Variants in SPATS2L observed in about 807,000 individuals in gnomAD.
SPATS2L encodes the protein SPATS2-like protein.
A neutral mutation model predicts 59.6 loss-of-function variants in SPATS2L; 30 were observed. That is an observed-to-expected ratio of 0.50 (90% CI 0.38 to 0.68). The LOEUF is 0.68. Ranked by LOEUF, SPATS2L falls within the 30% of genes least tolerant of loss-of-function variation. The probability of loss-of-function intolerance (pLI) is 0.00; values close to 1 mark genes in which losing one functional copy is unlikely to be tolerated. For missense variants in SPATS2L, 615 were observed against 700.0 expected (o/e 0.88, Z 1.37); for synonymous variants, 252 against 263.5 (o/e 0.96, Z 0.42).
intron 2 of SPATS2L, among the ~76,000 whole-genome samples, chr2:200,332,371 T>C (rs1354598008): frequency 6.6e-6 from 1 of 152,034 alleles, no homozygotes; most frequent in Non-Finnish European, 1.5e-5. Flanking sequence ...AAGCCTCTGG[T>C]GTAGCTGGGA....
intron 8 of SPATS2L, among the ~76,000 whole-genome samples, chr2:200,454,558 TTATCTC>T (rs1442601534): frequency 6.6e-6 from 1 of 151,952 alleles, no homozygotes; most frequent in Non-Finnish European, 1.5e-5. Context: ...AAATGACACT[TTATCTC>T]TGTGATTAAC....
chr2:200,453,464 A>G (rs16833414), intron 8 of SPATS2L, among the ~76,000 whole-genome samples: 5,611 of 152,308 alleles, frequency 0.037, 321 homozygotes, highest in African/African-American at 0.13. Flanking sequence ...CCTGGGCCCA[A>G]TAATTGCTGG....
At chr2:200,476,454 G>C (rs2087523792) in intron 12 of SPATS2L, among the ~76,000 whole-genome samples, 1 of 152,252 alleles carries the variant, frequency 6.6e-6, no homozygotes, top group African/African-American at 2.4e-5. Context: ...TACGTAATTA[G>C]AATTCCTATG....
chr2:200,455,614 C>A (rs2106170665), intron 8 of SPATS2L, among the ~76,000 whole-genome samples: 1 of 152,310 alleles, frequency 6.6e-6, no homozygotes, highest in Admixed American at 6.5e-5. Context: ...TGTGACCTTG[C>A]AGCTTCCACA....
intron 2 of SPATS2L, among the ~76,000 whole-genome samples, chr2:200,362,501 AAAG>A (rs1184327565): frequency 6.6e-6 from 1 of 152,236 alleles, no homozygotes; most frequent in African/African-American, 2.4e-5. Context: ...GAAGGGGACA[AAAG>A]AAAGTGGGAA....
intron 7 of SPATS2L, among the ~76,000 whole-genome samples, chr2:200,439,565 C>T (rs1299593031): frequency 6.6e-6 from 1 of 152,144 alleles, no homozygotes. Flanking sequence ...TGAGACCATT[C>T]TTGTTGTAGG....
intron 2 of SPATS2L, among the ~76,000 whole-genome samples, chr2:200,360,014 T>C (rs1162295144): frequency 6.6e-6 from 1 of 152,228 alleles, no homozygotes; most frequent in East Asian, 1.9e-4. Context: ...TTCCATATCT[T>C]TTCAAATTTC....
At chr2:200,363,076 A>G (rs2081160640) in intron 2 of SPATS2L, among the ~76,000 whole-genome samples, 1 of 152,130 alleles carries the variant, frequency 6.6e-6, no homozygotes, top group Non-Finnish European at 1.5e-5. Flanking sequence ...CCCTCGATCC[A>G]GATCCTTCTA....
chr2:200,442,167 G>A (rs1417462433), intron 8 of SPATS2L, among the ~76,000 whole-genome samples: 1 of 152,032 alleles, frequency 6.6e-6, no homozygotes, highest in African/African-American at 2.4e-5. Flanking sequence ...CTAACCAATT[G>A]TTGAAAGCAA....
At chr2:200,372,049 C>G (rs1287473851) in intron 2 of SPATS2L, 2 of 985,310 alleles carry the variant, frequency 2.0e-6, no homozygotes, top group Admixed American at 6.1e-5. Flanking sequence ...TAATTGACTT[C>G]TGAGAGTGTG....
At chr2:200,327,595 CATGTT>C (rs1258420804) in intron 1 of SPATS2L, among the ~76,000 whole-genome samples, 3 of 152,178 alleles carry the variant, frequency 2.0e-5, no homozygotes, top group Admixed American at 6.5e-5. Context: ...TTTGACAACT[CATGTT>C]ATTTATTGCT....
intron 2 of SPATS2L, among the ~76,000 whole-genome samples, chr2:200,370,372 A>G (rs1574291610): frequency 6.6e-6 from 1 of 152,208 alleles, no homozygotes; most frequent in African/African-American, 2.4e-5. Context: ...AGTTTTCACA[A>G]TATCTCGGGG....
intron 6 of SPATS2L, among the ~76,000 whole-genome samples, chr2:200,437,875 G>A (rs2084407814): frequency 6.6e-6 from 1 of 152,088 alleles, no homozygotes; most frequent in South Asian, 2.1e-4. Context: ...TGTCAGGTAA[G>A]ATATTCATTG....
chr2:200,333,653 T>TC (rs917486102), intron 2 of SPATS2L, among the ~76,000 whole-genome samples: 3 of 151,254 alleles, frequency 2.0e-5, no homozygotes, highest in African/African-American at 7.3e-5. Flanking sequence ...CCCTCCCCGC[T>TC]CCCCCCACCC....
intron 2 of SPATS2L, among the ~76,000 whole-genome samples, chr2:200,355,077 C>T (rs776113156): frequency 6.6e-6 from 1 of 152,114 alleles, no homozygotes; most frequent in African/African-American, 2.4e-5. Flanking sequence ...CATAAAAGGC[C>T]GCCCTTCCTC....
chr2:200,354,181 G>T (rs1204070013), intron 2 of SPATS2L, among the ~76,000 whole-genome samples: 1 of 152,150 alleles, frequency 6.6e-6, no homozygotes, highest in African/African-American at 2.4e-5. Context: ...ATGGAATTTA[G>T]TGAAGGCTCT....
At chr2:200,382,915 C>T (rs1559083876) in intron 2 of SPATS2L, among the ~76,000 whole-genome samples, 2 of 152,262 alleles carry the variant, frequency 1.3e-5, no homozygotes, top group South Asian at 2.1e-4. Context: ...CTGGCTTTCC[C>T]CTTATCTCTC....
Position 200,449,191 on chromosome 2 carries a change from T to TCTGCAATAGATGTTTCCCC in SPATS2L, c.788+8408_788+8426dup, listed in dbSNP as rs1263923927. On this transcript the variant is annotated intron_variant, in intron 8 of 12. Transcript: ENST00000409140. ...TTTTCTTTCTTCCCTGAGGTTTTCC[T>TCTGCAATAGATGTTTCCCC]CTGCAATAGATGTTTCCCCAGGGCC... Among the ~76,000 whole-genome samples, 6 of 152,358 alleles carry TCTGCAATAGATGTTTCCCC rather than the reference T, an allele frequency of 3.9e-5. No individual in the cohort carries two copies. The South Asian group carries it at 1.2e-3, about 32-fold the overall frequency.
intron 1 of SPATS2L, among the ~76,000 whole-genome samples, chr2:200,310,311 A>T (rs903199323): frequency 1.3e-5 from 2 of 152,040 alleles, no homozygotes; most frequent in African/African-American, 4.8e-5. Context: ...ACCATTGCTG[A>T]CTCTTCGCTC....
Sources: gnomAD v4.1 joint callset for allele counts (sites outside exome capture counted in the v4.1 genomes callset) on GRCh38, gnomAD v4.1.1 for gene constraint, MANE v1.5 for transcripts, NCBI Gene and HGNC (gene_info 2026-07-23, HGNC 2026-07-21) for gene names.